RCC1: variants seen among roughly 807,000 people sequenced by gnomAD.
The protein encoded by RCC1 is regulator of chromosome condensation.
In RCC1, 11 loss-of-function variants were observed where a neutral mutation model predicts 44.4. The ratio of observed to expected loss-of-function variants is 0.25; its 90% confidence interval spans 0.16 to 0.41. The LOEUF (loss-of-function observed/expected upper bound fraction) is 0.41, where lower values mean the gene tolerates loss of function less well. Ranked by LOEUF, RCC1 falls within the 10% of genes least tolerant of loss-of-function variation. The pLI, the probability that RCC1 is intolerant of heterozygous loss-of-function variation, is 1.00. For synonymous variants in RCC1, 213 were observed against 216.5 expected (o/e 0.98, Z 0.14); for missense variants, 386 against 547.1 (o/e 0.71, Z 2.94).
At chr1:28,517,981 C>T (rs145330442) in intron 4 of RCC1, among the ~76,000 whole-genome samples, 1 of 152,152 alleles carries the variant, frequency 6.6e-6, no homozygotes, top group Non-Finnish European at 1.5e-5. Flanking sequence ...CAGACCCTAC[C>T]GCACAAGATT....
At chr1:28,515,574 G>A (rs557013088) in intron 3 of RCC1, among the ~76,000 whole-genome samples, 2 of 150,052 alleles carry the variant, frequency 1.3e-5, no homozygotes, top group Admixed American at 6.7e-5. Context: ...AAAATGAGCC[G>A]GGCATGGTGG....
chr1:28,516,493 C>A (rs1298857444), intron 3 of RCC1, among the ~76,000 whole-genome samples: 4 of 131,134 alleles, frequency 3.1e-5, no homozygotes, highest in Middle Eastern at 3.6e-3. Flanking sequence ...CAGAGTGAGA[C>A]CCCATCTCAA....
At position 28,513,187 on chromosome 1, in the gene RCC1, C is replaced by A. The variant is rs191983802; in HGVS notation, c.-152-3538C>A. On this transcript the variant is annotated intron_variant, in intron 3 of 12. Transcript: ENST00000683442. Reference sequence around the variant, plus strand: ...GAGTAGCTGGAATTACAGTCACGCACCACCACGCCCAGCTAATTTTTTTGT... The same window carrying A: ...GAGTAGCTGGAATTACAGTCACGCAACACCACGCCCAGCTAATTTTTTTGT... Among the ~76,000 whole-genome samples, 59 of 152,128 alleles carry A rather than the reference C, an allele frequency of 3.9e-4. No homozygotes were observed. The Middle Eastern group carries it at 0.01, about 26-fold the overall frequency.
At chr1:28,527,099 T>C in intron 4 of RCC1, 2 of 1,033,978 alleles carry the variant, frequency 1.9e-6, no homozygotes, top group Non-Finnish European at 3.0e-6. Context: ...CAGACCACAA[T>C]ATGTTTGTCA....
At chr1:28,523,221 C>T (rs1029163730) in intron 4 of RCC1, among the ~76,000 whole-genome samples, 2 of 151,674 alleles carry the variant, frequency 1.3e-5, no homozygotes, top group African/African-American at 2.4e-5. Flanking sequence ...TTAGTAGAGA[C>T]GGGGTTTCAC....
chr1:28,511,961 G>A (rs1269727545), intron 3 of RCC1, among the ~76,000 whole-genome samples: 1 of 147,374 alleles, frequency 6.8e-6, no homozygotes, highest in African/African-American at 2.5e-5. Context: ...ACTGCGCCTA[G>A]CCTCAAGCCT....
intron 3 of RCC1, chr1:28,509,136 A>G: frequency 3.1e-6 from 1 of 325,890 alleles, no homozygotes; most frequent in Non-Finnish European, 6.0e-6. Flanking sequence ...CCTGTTTTGC[A>G]GAAAGTCTGC....
chr1:28,519,964 C>T (rs1057186228), intron 4 of RCC1, among the ~76,000 whole-genome samples: 12 of 151,864 alleles, frequency 7.9e-5, no homozygotes, highest in African/African-American at 1.5e-4. Context: ...CTCCACCTCC[C>T]GGGTTCAAGC....
intron 7 of RCC1, among the ~76,000 whole-genome samples, chr1:28,534,708 A>G (rs982163249): frequency 2.6e-5 from 4 of 152,080 alleles, no homozygotes; most frequent in African/African-American, 9.7e-5. Context: ...CCTGAGCTCA[A>G]GCGATCTGCC....
intron 4 of RCC1, chr1:28,527,331 C>T (rs1043395780): frequency 1.1e-4 from 57 of 519,890 alleles, no homozygotes; most frequent in Non-Finnish European, 1.9e-4. Context: ...CCTCAGCCTC[C>T]CAGGCTCACG....
chr1:28,528,048 A>G (rs1009745363), intron 4 of RCC1, among the ~76,000 whole-genome samples: 4 of 148,620 alleles, frequency 2.7e-5, no homozygotes, highest in Middle Eastern at 3.6e-3. Flanking sequence ...GGCTGTACGC[A>G]GTGGCTCACG....
At chr1:28,534,423 G>T (rs963226940) in intron 7 of RCC1, among the ~76,000 whole-genome samples, 1 of 151,870 alleles carries the variant, frequency 6.6e-6, no homozygotes, top group African/African-American at 2.4e-5. Context: ...CCTCGTGATC[G>T]CCCGCCTTGG....
At chr1:28,527,440 G>T (rs187859975) in intron 4 of RCC1, among the ~76,000 whole-genome samples, 6 of 151,982 alleles carry the variant, frequency 3.9e-5, no homozygotes, top group Non-Finnish European at 8.8e-5. Flanking sequence ...ATGGGGTTTC[G>T]CCATGTTGCC....
intron 4 of RCC1, among the ~76,000 whole-genome samples, chr1:28,520,507 CTG>C (rs1337476044): frequency 6.6e-6 from 1 of 152,208 alleles, no homozygotes; most frequent in East Asian, 1.9e-4. Context: ...TTCCACCTCT[CTG>C]TGACCTGGGT....
chr1:28,528,890 C>CTTTCTCCCAGG (rs1663894114), intron 4 of RCC1, among the ~76,000 whole-genome samples: 1 of 108,010 alleles, frequency 9.3e-6, no homozygotes, highest in Non-Finnish European at 1.7e-5. Context: ...TTTCACTACT[C>CTTTCTCCCAGG]TTTCTCCCAG....
intron 4 of RCC1, among the ~76,000 whole-genome samples, chr1:28,520,757 C>A (rs1327404757): frequency 6.6e-6 from 1 of 152,118 alleles, no homozygotes; most frequent in African/African-American, 2.4e-5. Flanking sequence ...TTATTCCCAG[C>A]CCAGACACTC....
At chr1:28,534,249 C>T (rs1235009839) in intron 7 of RCC1, among the ~76,000 whole-genome samples, 3 of 151,900 alleles carry the variant, frequency 2.0e-5, no homozygotes, top group Non-Finnish European at 4.4e-5. Context: ...GGCGCGATCT[C>T]GGCTCACTGC....
rs559784945 is a variant in RCC1, at chr1:28,514,448, T to C, written c.-152-2277T>C. ...CTGGGCGACAGAGCGAGACTCCGTC[T>C]CAAAAAAAAAACAAAAAAAAAACCT... is the stretch of plus-strand genomic sequence containing the variant. On this transcript the variant is annotated intron_variant, in intron 3 of 12. Coordinates refer to ENST00000683442, the MANE Select transcript of RCC1 (RefSeq NM_001381865.2). Among the ~76,000 whole-genome samples the C allele has an allele frequency of 1.8e-3, 190 of 103,400 alleles. 3 individuals are homozygous for C. Among genetic ancestry groups the C allele is most frequent in the Non-Finnish European group, 5.4e-4 (28 of 51,882 alleles). The allele number at this position is 103,400 out of a possible 152,430, so 67.8% of individuals were successfully genotyped here.
Position 28,532,206 on chromosome 1 carries a change from G to T in RCC1, c.297G>T (p.Leu99=). 3 of 1,613,792 alleles carry T rather than the reference G, an allele frequency of 1.9e-6. 1 individual carries two copies. In the South Asian group the frequency reaches 3.3e-5, roughly 18 times the overall value. The change falls in exon 7 of 13, where the codon CTG becomes CTT. Residue 99 remains leucine, a synonymous_variant. Transcript: ENST00000683442. ...TCGGCTGCAATGATGAGGGTGCCCT[G>T]GGAAGGGACACATCAGTGGAGGGCT... ...YSFGCNDEGA[L]GRDTSVEGSE...
Sources: gnomAD v4.1 joint callset for allele counts (sites outside exome capture counted in the v4.1 genomes callset) on GRCh38, gnomAD v4.1.1 for gene constraint, MANE v1.5 for transcripts, NCBI Gene and HGNC (gene_info 2026-07-23, HGNC 2026-07-21) for gene names.